CFTR: variants seen among roughly 807,000 people sequenced by gnomAD.
The protein encoded by CFTR is CF transmembrane conductance regulator, also known as cystic fibrosis transmembrane conductance regulator.
CFTR carries 181 observed loss-of-function variants against 171.6 expected under a neutral mutation model. The ratio of observed to expected loss-of-function variants is 1.05; its 90% CI spans 0.93 to 1.19. The LOEUF is 1.19. CFTR is among the 50% of genes most tolerant of loss of function. CFTR has a pLI of 0.00. For synonymous variants in CFTR, 583 were observed against 608.0 expected, an observed-to-expected ratio of 0.96 and a Z score of 0.60; for missense variants, 1,968 against 1,734.7, an observed-to-expected ratio of 1.13 and a Z score of -2.39.
At chr7:117,538,701 T>C (rs767941296) in intron 7 of CFTR, among the ~76,000 whole-genome samples, 5 of 152,162 alleles carry the variant, frequency 3.3e-5, no homozygotes, top group African/African-American at 4.8e-5. Flanking sequence ...TTTCCTTCTA[T>C]AGAGGTAGAT....
intron 8 of CFTR, among the ~76,000 whole-genome samples, chr7:117,541,815 T>C (rs1184645780): frequency 1.3e-5 from 2 of 152,152 alleles, no homozygotes; most frequent in Non-Finnish European, 2.9e-5. Flanking sequence ...GTTTAGAGAG[T>C]ATATTTCAAA....
Position 117,652,870 on chromosome 7 carries a change from G to GA in CFTR, c.3908dup (p.Asn1303LysfsTer6), listed in dbSNP as rs397508637. 3 of 1,590,186 alleles carry GA rather than the reference G, an allele frequency of 1.9e-6. No individual in the cohort carries two copies. Among genetic ancestry groups the GA allele is most frequent in the East Asian group, 2.2e-5 (1 of 44,676 alleles). ...GTATTTATTTTTTCTGGAACATTTA[G>GA]AAAAAACTTGGATCCCTATGAACAG... is the stretch of plus-strand genomic sequence containing the variant. On this transcript the variant is annotated frameshift_variant, in exon 24 of 27. Transcript: ENST00000003084. LOFTEE classifies it high-confidence loss of function.
chr7:117,502,870 T>A lies in CFTR; in HGVS notation c.54-1383T>A, dbSNP rs35541900. Among the ~76,000 whole-genome samples, 1,022 of 152,358 alleles carry A rather than the reference T, an allele frequency of 6.7e-3. 10 individuals carry two copies. Among genetic ancestry groups the A allele is most frequent in the African/African-American group, 0.023 (946 of 41,582 alleles). On this transcript the variant is annotated intron_variant, in intron 1 of 26. Transcript: ENST00000003084. ...GACATAGTAAACCATACTCACTTAT[T>A]AATATCTTAGTAAGGAATAATTGAT...
intron 1 of CFTR, among the ~76,000 whole-genome samples, chr7:117,488,860 T>C (rs973040673): frequency 2.0e-5 from 3 of 152,070 alleles, no homozygotes; most frequent in African/African-American, 4.8e-5. Flanking sequence ...CCTTTTATAA[T>C]TGATGTCAAA....
chr7:117,548,762 T>C lies in CFTR; in HGVS notation c.1331T>C (p.Ile444Thr), dbSNP rs397508191. 11 of 1,613,012 alleles carry C rather than the reference T, an allele frequency of 6.8e-6. No homozygotes were observed. The South Asian group carries it at 8.8e-5, about 13-fold the overall frequency. The change falls in exon 10 of 27, where the codon ATT becomes ACT. Residue 444 changes from isoleucine to threonine, a missense_variant. Physicochemically the swap from Ile to Thr is moderately conservative, Grantham distance 89. Transcript: ENST00000003084. ...CTTGGTACTCCTGTCCTGAAAGATA[T>C]TAATTTCAAGATAGAAAGAGGACAG... ...SLLGTPVLKD[I>T]NFKIERGQLL...
chr7:117,526,415 G>C (rs1327909776), intron 3 of CFTR, among the ~76,000 whole-genome samples: 1 of 85,590 alleles, frequency 1.2e-5, no homozygotes, highest in African/African-American at 4.8e-5. Flanking sequence ...AAGCAGGAAA[G>C]ATCCAAAATT....
chr7:117,642,048 G>A (rs578078077), intron 22 of CFTR, among the ~76,000 whole-genome samples: 1 of 152,104 alleles, frequency 6.6e-6, no homozygotes, highest in South Asian at 2.1e-4. Context: ...TCCACTTTGG[G>A]TACTAGATCA....
At chr7:117,500,236 A>G (rs1798299833) in intron 1 of CFTR, among the ~76,000 whole-genome samples, 1 of 148,132 alleles carries the variant, frequency 6.8e-6, no homozygotes, top group East Asian at 2.0e-4. Context: ...GGCTTGAGGT[A>G]GGCATGGAGA....
At chr7:117,530,829 T>C (rs1798846807) in intron 3 of CFTR, 70 bp from the exon 4 acceptor site, 2 of 1,024,498 alleles carry the variant, frequency 2.0e-6, no homozygotes, top group Non-Finnish European at 3.0e-6. Flanking sequence ...AAAAGTCTTG[T>C]GTTGAAATTC....
intron 1 of CFTR, among the ~76,000 whole-genome samples, chr7:117,482,418 G>A (rs1213921677): frequency 6.6e-6 from 1 of 152,014 alleles, no homozygotes; most frequent in Non-Finnish European, 1.5e-5. Context: ...TCTTAATTTT[G>A]TGTGGATTTC....
chr7:117,540,283 T>A lies in CFTR; in HGVS notation c.1053T>A (p.Thr351=). The A allele has an allele frequency of 6.2e-7, 1 of 1,614,090 alleles. No homozygotes were observed. The highest frequency in any genetic ancestry group is 8.5e-7 in the Non-Finnish European group (1 of 1,179,940). Residue 351 remains threonine (T), a synonymous_variant, in exon 8 of 27, where the codon ACT becomes ACA. Transcript: ENST00000003084. ...GCATTGTTCTGCGCATGGCGGTCACTCGGCAATTTCCCTGGGCTGTACAAA... is the reference window on the plus strand; with the variant it reads ...GCATTGTTCTGCGCATGGCGGTCACACGGCAATTTCCCTGGGCTGTACAAA... The part of the protein sequence containing the change: ...SFCIVLRMAV[T]RQFPWAVQTW...
chr7:117,536,767 ATGT>A, intron 7 of CFTR, 94 bp downstream of exon 7: 1 of 1,059,452 alleles, frequency 9.4e-7, no homozygotes, highest in Non-Finnish European at 1.4e-6. Context: ...CTCATATTTG[ATGT>A]TTGTGACAAT....
intron 3 of CFTR, among the ~76,000 whole-genome samples, chr7:117,514,034 G>A (rs1798562076): frequency 6.6e-6 from 1 of 152,044 alleles, no homozygotes; most frequent in South Asian, 2.1e-4. Context: ...TATTCCCCAA[G>A]CGATTCTAAT....
intron 3 of CFTR, among the ~76,000 whole-genome samples, chr7:117,521,036 A>G (rs1198986369): frequency 2.0e-5 from 3 of 151,976 alleles, no homozygotes; most frequent in Non-Finnish European, 4.4e-5. Context: ...AATATGTCCC[A>G]ATAATGTTTT....
Position 117,610,557 on chromosome 7 carries a change from A to G in CFTR, c.3027A>G (p.Ala1009=). 6.2e-7 allele frequency: 1 copy of G among 1,613,562 alleles called. No individual in the cohort carries two copies. Residue 1009 remains alanine, a synonymous_variant, in exon 19 of 27, where the codon GCA becomes GCG. Coordinates refer to ENST00000003084, the MANE Select transcript of CFTR (RefSeq NM_000492.4). ...TGATTGGAGCTATAGCAGTTGTCGC[A>G]GTTTTACAACCCTACATCTTTGTTG... ...LIVIGAIAVV[A]VLQPYIFVAT...
At chr7:117,595,213 A>G (rs1057310587) in intron 15 of CFTR, among the ~76,000 whole-genome samples, 155 bp downstream of exon 15, 11 of 151,574 alleles carry the variant, frequency 7.3e-5, no homozygotes, top group Admixed American at 7.2e-4. Context: ...CACTATATGT[A>G]TATATGTATA....
At chr7:117,649,364 A>G (rs1390119290) in intron 23 of CFTR, among the ~76,000 whole-genome samples, 4 of 149,898 alleles carry the variant, frequency 2.7e-5, no homozygotes, top group African/African-American at 9.8e-5. Context: ...ACATCTAGAT[A>G]TATATATACA....
rs559197407 is a variant in CFTR at position 117,548,648 on chromosome 7, G to A, written c.1217G>A (p.Gly406Glu). The change falls in exon 10 of 27, where the codon GGG becomes GAG. Residue 406 changes from glycine (G) to glutamate (E), a missense_variant. By Grantham distance (98) the Gly-to-Glu change is moderately conservative. Coordinates refer to ENST00000003084, the MANE Select transcript of CFTR (RefSeq NM_000492.4). Reference sequence around the variant, plus strand: ...TGTGTGTTTTTTTAACAGGGATTTGGGGAATTATTTGAGAAAGCAAAACAA... The same window carrying A: ...TGTGTGTTTTTTTAACAGGGATTTGAGGAATTATTTGAGAAAGCAAAACAA... ...NVTAFWEEGFGELFEKAKQNN... is the reference protein window; with the variant it reads ...NVTAFWEEGFEELFEKAKQNN... 1.9e-6 allele frequency: 3 copies of A among 1,612,440 alleles called. No homozygotes were observed. The highest frequency in any genetic ancestry group is 2.5e-6 in the Non-Finnish European group (3 of 1,179,232).
chr7:117,484,497 A>G (rs558423147), intron 1 of CFTR, among the ~76,000 whole-genome samples: 26 of 152,252 alleles, frequency 1.7e-4, no homozygotes, highest in African/African-American at 6.0e-4. Context: ...GAACACTAAC[A>G]AATGTTGACT....
Sources: gnomAD v4.1 joint callset for allele counts (sites outside exome capture counted in the v4.1 genomes callset) on GRCh38, gnomAD v4.1.1 for gene constraint, MANE v1.5 for transcripts, NCBI Gene and HGNC (gene_info 2026-07-23, HGNC 2026-07-21) for gene names.